The following ZSWIM6 variants were observed in gnomAD, a reference collection of about 807,000 sequenced individuals.
ZSWIM6 encodes the protein zinc finger SWIM-type containing 6.
A neutral mutation model predicts 113.2 loss-of-function variants in ZSWIM6; 9 were observed. The observed-to-expected ratio is 0.08, with a 90% CI of 0.05 to 0.14. The LOEUF is 0.14. Ranked by LOEUF, ZSWIM6 falls within the 10% of genes least tolerant of loss-of-function variation. The pLI is 1.00. For missense variants in ZSWIM6, 1,162 were observed against 1,552.2 expected, an observed-to-expected ratio of 0.75 and a Z score of 4.22; for synonymous variants, 611 against 606.5, an observed-to-expected ratio of 1.01 and a Z score of -0.11.
At chr5:61,468,908 A>G (rs1747500578) in intron 1 of ZSWIM6, among the ~76,000 whole-genome samples, 1 of 152,226 alleles carries the variant, frequency 6.6e-6, no homozygotes, top group South Asian at 2.1e-4. Flanking sequence ...AAAGTAATAT[A>G]CCAGCTGCCC....
At chr5:61,355,746 G>A (rs1472162634) in intron 1 of ZSWIM6, among the ~76,000 whole-genome samples, 1 of 152,092 alleles carries the variant, frequency 6.6e-6, no homozygotes, top group Non-Finnish European at 1.5e-5. Flanking sequence ...TACTGAAAGT[G>A]TAACACATGC....
At chr5:61,381,365 A>G (rs971068199) in intron 1 of ZSWIM6, among the ~76,000 whole-genome samples, 1 of 152,244 alleles carries the variant, frequency 6.6e-6, no homozygotes, top group Non-Finnish European at 1.5e-5. Flanking sequence ...AGTATGTAAT[A>G]TATTTGTAGA....
chr5:61,387,850 G>T (rs1012346257), intron 1 of ZSWIM6, among the ~76,000 whole-genome samples: 5 of 151,600 alleles, frequency 3.3e-5, no homozygotes, highest in Admixed American at 6.6e-5. Context: ...GGTGGAGGTT[G>T]CAGTGAGCCG....
At chr5:61,424,137 G>T (rs1193649884) in intron 1 of ZSWIM6, among the ~76,000 whole-genome samples, 2 of 152,192 alleles carry the variant, frequency 1.3e-5, no homozygotes, top group Admixed American at 1.3e-4. Context: ...TGCTGTGCAG[G>T]CTTTGAAGGA....
chr5:61,384,608 C>T (rs1417645837), intron 1 of ZSWIM6, among the ~76,000 whole-genome samples: 1 of 152,120 alleles, frequency 6.6e-6, no homozygotes, highest in Admixed American at 6.6e-5. Flanking sequence ...TTTCTGTTTG[C>T]TTGGATAAAA....
Position 61,531,516 on chromosome 5 carries a change from A to G in ZSWIM6, c.2036A>G (p.Lys679Arg), listed in dbSNP as rs756583079. ...GAATACCAGCATCTACCTGCACACA[A>G]ATTCTTAGAAGAAGGGGAATCCTAT... ...SLEYQHLPAH[K>R]FLEEGESYLT... is the part of the protein sequence containing the mutation. Residue 679 changes from lysine (K) to arginine (R), a missense_variant, in exon 9 of 14, where the codon AAA becomes AGA. By Grantham distance (26) the Lys-to-Arg change is conservative. Transcript: ENST00000252744. 31 of 1,551,566 alleles carry G rather than the reference A, an allele frequency of 2.0e-5. 2 individuals are homozygous for G. Among genetic ancestry groups the G allele is most frequent in the Middle Eastern group, 1.7e-4 (1 of 6,014 alleles).
At chr5:61,431,795 C>T (rs1228279864) in intron 1 of ZSWIM6, among the ~76,000 whole-genome samples, 1 of 152,146 alleles carries the variant, frequency 6.6e-6, no homozygotes, top group Non-Finnish European at 1.5e-5. Context: ...TTCACCTACC[C>T]TCTTAATTCT....
chr5:61,375,549 C>A, intron 1 of ZSWIM6: 1 of 1,547,526 alleles, frequency 6.5e-7, no homozygotes. Context: ...CTGAAAGCTC[C>A]ATGTCAGAAA....
intron 2 of ZSWIM6, 75 bp downstream of exon 2, chr5:61,473,112 A>G (rs1747613633): frequency 1.0e-6 from 1 of 966,862 alleles, no homozygotes; most frequent in Non-Finnish European, 1.5e-6. Flanking sequence ...CTTCTGCATA[A>G]AAGTGAATTA....
chr5:61,424,814 G>A (rs1001228659), intron 1 of ZSWIM6, among the ~76,000 whole-genome samples: 1 of 147,050 alleles, frequency 6.8e-6, no homozygotes, highest in Non-Finnish European at 1.5e-5. Flanking sequence ...TGTAACCTAT[G>A]CCTGCTGGGT....
intron 1 of ZSWIM6, among the ~76,000 whole-genome samples, chr5:61,457,620 C>T (rs1413621250): frequency 2.0e-5 from 3 of 152,104 alleles, no homozygotes; most frequent in Non-Finnish European, 4.4e-5. Context: ...CTCCCAGGTT[C>T]AAGCAATTCT....
chr5:61,399,016 G>C (rs193286123), intron 1 of ZSWIM6, among the ~76,000 whole-genome samples: 3 of 145,604 alleles, frequency 2.1e-5, no homozygotes, highest in Non-Finnish European at 4.5e-5. Context: ...TCCGCCTCCT[G>C]GTTTCAAGTG....
chr5:61,541,718 A>G (rs571412662), intron 12 of ZSWIM6, among the ~76,000 whole-genome samples, 166 bp from the exon 13 acceptor site: 1 of 152,342 alleles, frequency 6.6e-6, no homozygotes, highest in East Asian at 1.9e-4. Context: ...TGGGGTAGCC[A>G]TGGACAAATC....
intron 1 of ZSWIM6, among the ~76,000 whole-genome samples, chr5:61,461,255 A>G (rs892350032): frequency 1.3e-5 from 2 of 152,224 alleles, no homozygotes; most frequent in Admixed American, 6.5e-5. Context: ...CTTATGCTAT[A>G]TAAGTGAGTA....
intron 1 of ZSWIM6, among the ~76,000 whole-genome samples, chr5:61,397,537 G>C (rs1157345415): frequency 6.6e-6 from 1 of 152,094 alleles, no homozygotes; most frequent in African/African-American, 2.4e-5. Flanking sequence ...TGACAGCCAA[G>C]TAGTTGTGAG....
At chr5:61,521,045 T>C (rs1749102757) in intron 4 of ZSWIM6, among the ~76,000 whole-genome samples, 1 of 152,134 alleles carries the variant, frequency 6.6e-6, no homozygotes, top group South Asian at 2.1e-4. Context: ...TTGTGGCTTA[T>C]GTTAAGGAGA....
Position 61,472,571 on chromosome 5 carries a change from C to G in ZSWIM6, c.677-110C>G. The G allele has an allele frequency of 2.5e-6, 2 of 789,482 alleles. No homozygotes were observed. Among genetic ancestry groups the G allele is most frequent in the Non-Finnish European group, 1.9e-6 (1 of 524,688 alleles). The allele number at this position is 789,482 out of a possible 1,614,324, so 48.9% of individuals were successfully genotyped here. The stretch of plus-strand genomic sequence containing the variant: ...GTTTTTACTTGAATATAGAGGCTGT[C>G]ATATTTTTTTCTTGCTGCTGTCAAG... On this transcript the variant is annotated intron_variant, in intron 1 of 13. Transcript: ENST00000252744. The surrounding 1 kb of genome is among the most constrained non-coding windows in gnomAD (Gnocchi z 4.1).
At chr5:61,482,922 A>G (rs1262340487) in intron 2 of ZSWIM6, among the ~76,000 whole-genome samples, 3 of 151,144 alleles carry the variant, frequency 2.0e-5, no homozygotes, top group East Asian at 1.9e-4. Context: ...TTTTTTCTCC[A>G]GTGCATTTCC....
Position 61,527,736 on chromosome 5 carries a change from G to C in ZSWIM6, c.1837+1340G>C, listed in dbSNP as rs550841955. ...CAAAGAGTGCAGGACTTGTTATACT[G>C]TGCAAAAAGAGAGCCAGTTCGTGAT... On this transcript the variant is annotated intron_variant, in intron 7 of 13. Transcript: ENST00000252744. 1.1e-3 allele frequency among the ~76,000 whole-genome samples: 160 copies of C among 152,200 alleles called. 4 individuals carry two copies. The Middle Eastern group carries it at 0.027, about 26-fold the overall frequency.
Sources: allele counts gnomAD v4.1 joint callset (sites outside exome capture counted in the v4.1 genomes callset), GRCh38; gene constraint gnomAD v4.1.1; non-coding constraint Gnocchi (gnomAD v3.1); transcripts MANE v1.5; gene names NCBI Gene and HGNC (gene_info 2026-07-23, HGNC 2026-07-21).